The following CNOT1 variants were observed in gnomAD, a reference collection of about 807,000 sequenced individuals.
CNOT1 encodes the protein CCR4-associated factor 1.
Under a neutral mutation model 273.8 loss-of-function variants are expected in CNOT1, and 15 were observed. The observed-to-expected ratio is 0.05, with a 90% CI of 0.04 to 0.08. CNOT1 has a LOEUF of 0.08. Ranked by LOEUF, CNOT1 falls within the 10% of genes least tolerant of loss-of-function variation. CNOT1 has a pLI of 1.00. For missense variants in CNOT1, 1,644 were observed against 2,912.2 expected (o/e 0.56, Z 10.02); for synonymous variants, 1,022 against 1,005.5 (o/e 1.02, Z -0.31).
At chr16:58,595,567 C>T (rs1183329293) in intron 2 of CNOT1, among the ~76,000 whole-genome samples, 1 of 152,082 alleles carries the variant, frequency 6.6e-6, no homozygotes, top group Non-Finnish European at 1.5e-5. Context: ...AATTCATAGT[C>T]CACAACCATT....
rs146036406 is a variant in CNOT1 at position 58,549,355 on chromosome 16, C to T, written c.3522+364G>A. On this transcript the variant is annotated intron_variant, in intron 25 of 48. Transcript: ENST00000317147. ...CATTATCATTATCATGAATAATATC[C>T]AGGGGAGAAAAAAAAGTAAGTGAAA... Among the ~76,000 whole-genome samples the T allele has an allele frequency of 2.3e-3, 335 of 143,750 alleles. 1 individual carries two copies. The highest frequency in any genetic ancestry group is 7.8e-3 in the African/African-American group (305 of 39,020). The allele number at this position is 143,750 out of a possible 152,430, so 94.3% of individuals were successfully genotyped here.
At chr16:58,608,569 A>T (rs2042771924) in intron 1 of CNOT1, among the ~76,000 whole-genome samples, 1 of 151,442 alleles carries the variant, frequency 6.6e-6, no homozygotes, top group South Asian at 2.1e-4. Flanking sequence ...AAAAAAAAAA[A>T]GAACTAAAAG....
intron 13 of CNOT1, among the ~76,000 whole-genome samples, chr16:58,577,479 T>C (rs1256366608): frequency 6.6e-6 from 1 of 152,222 alleles, no homozygotes; most frequent in Admixed American, 6.5e-5. Context: ...GCTAACATTT[T>C]TCACTTATAA....
At position 58,620,537 on chromosome 16, in the gene CNOT1, G is replaced by T. The variant is rs994174968; in HGVS notation, c.-175+9191C>A. 2.0e-5 allele frequency among the ~76,000 whole-genome samples: 3 copies of T among 151,944 alleles called. No homozygotes were observed. In the East Asian group the frequency reaches 5.8e-4, roughly 29 times the overall value. ...AGGCACCTGTAATCCCAGCTACTCG[G>T]CGGGGATAAGGCAGGAGAATCGCTT... On this transcript the variant is annotated intron_variant, in intron 1 of 48. Coordinates refer to ENST00000317147, the MANE Select transcript of CNOT1 (RefSeq NM_016284.5).
In CNOT1 at chr16:58,555,244, C is replaced by G. The variant is rs2040595658; in HGVS notation, c.2891+7G>C. On this transcript the variant is annotated splice_region_variant and intron_variant, in intron 21 of 48. Transcript: ENST00000317147. ...AGAGATCCTTCACAGGAAACCTATC[C>G]ACTTACCTGTTTTTAAATCTATCTA... is the stretch of plus-strand genomic sequence containing the variant. 6.2e-7 allele frequency: 1 copy of G among 1,613,282 alleles called. No homozygotes were observed. Among genetic ancestry groups the G allele is most frequent in the South Asian group, 1.1e-5 (1 of 91,012 alleles).
At chr16:58,599,632 A>G (rs1168382564) in intron 1 of CNOT1, 121 bp from the exon 2 acceptor site, 2 of 459,076 alleles carry the variant, frequency 4.4e-6, no homozygotes, top group African/African-American at 1.9e-5. Flanking sequence ...ATTAATAATT[A>G]GAAGAGAATA....
chr16:58,595,582 G>A (rs1196006920), intron 2 of CNOT1, among the ~76,000 whole-genome samples: 1 of 152,100 alleles, frequency 6.6e-6, no homozygotes, highest in Non-Finnish European at 1.5e-5. Context: ...ACCATTCAGG[G>A]TTGTGTTTAC....
At chr16:58,558,927 T>C (rs1245672251) in intron 17 of CNOT1, among the ~76,000 whole-genome samples, 6 of 152,228 alleles carry the variant, frequency 3.9e-5, no homozygotes, top group Admixed American at 1.3e-4. Flanking sequence ...TTGAAAATAC[T>C]TGGAACCAGA....
In CNOT1 at chr16:58,614,219, GAA is replaced by G. The variant is rs557629719; in HGVS notation, c.-174-14710_-174-14709del. On this transcript the variant is annotated intron_variant, in intron 1 of 48. Coordinates refer to ENST00000317147, the MANE Select transcript of CNOT1 (RefSeq NM_016284.5). Reference sequence around the variant, plus strand: ...GAAGCCATTCACCTCACTCACTGTAGAAGAGAGGTAACATAGATGGCCCGAGC... The same window carrying G: ...GAAGCCATTCACCTCACTCACTGTAGGAGAGGTAACATAGATGGCCCGAGC... Among the ~76,000 whole-genome samples, 7 of 124,096 alleles carry G rather than the reference GAA, an allele frequency of 5.6e-5. No homozygotes were observed. The East Asian group carries it at 1.4e-3, about 24-fold the overall frequency. 81.4% of individuals were successfully genotyped at this position (124,096 alleles called of 152,430 possible).
In CNOT1 at chr16:58,553,817, T is replaced by C. The variant is rs915472142; in HGVS notation, c.2935A>G (p.Ser979Gly). 6.2e-6 allele frequency: 10 copies of C among 1,611,716 alleles called. No homozygotes were observed. In the African/African-American group the frequency reaches 1.2e-4, roughly 19 times the overall value. Reference sequence around the variant, plus strand: ...TGATGTGGAAATTGCATAAAGTGACTGATAGAAGCCAAATGCTGACAATAC... The same window carrying C: ...TGATGTGGAAATTGCATAAAGTGACCGATAGAAGCCAAATGCTGACAATAC... ...PQYCQHLASISHFMQFPHHLQ... is the reference protein window; with the variant it reads ...PQYCQHLASIGHFMQFPHHLQ... Residue 979 changes from serine to glycine, a missense_variant, in exon 22 of 49, where the codon AGT (serine) becomes GGT (glycine). Coordinates refer to ENST00000317147, the MANE Select transcript of CNOT1 (RefSeq NM_016284.5).
chr16:58,545,576 T>C (rs552722877), intron 29 of CNOT1, 85 bp from the exon 30 acceptor site: 2 of 1,565,716 alleles, frequency 1.3e-6, no homozygotes, highest in African/African-American at 2.8e-5. Context: ...TAAGTGGTCA[T>C]TATCTAATTA....
intron 47 of CNOT1, chr16:58,522,875 A>AG (rs1420370282): frequency 1.3e-5 from 2 of 152,298 alleles, no homozygotes; most frequent in African/African-American, 4.8e-5. Flanking sequence ...CATCAGAATG[A>AG]GTATTAAGAG....
chr16:58,539,446 CAG>C (rs79096112), intron 35 of CNOT1, among the ~76,000 whole-genome samples: 6,245 of 146,978 alleles, frequency 0.042, 419 homozygotes, highest in East Asian at 0.26. Flanking sequence ...TCAAGCCTGA[CAG>C]AGAGAGACCC....
chr16:58,579,297 G>A (rs1400996953), intron 12 of CNOT1, among the ~76,000 whole-genome samples: 1 of 152,100 alleles, frequency 6.6e-6, no homozygotes, highest in Non-Finnish European at 1.5e-5. Flanking sequence ...TTAAAAGACA[G>A]AACAAAGACA....
rs368433360 is a variant in CNOT1, at chr16:58,537,230, T to C, written c.5415-10A>G. The C allele has an allele frequency of 1.8e-5, 28 of 1,571,628 alleles. No homozygotes were observed. The African/African-American group carries it at 3.3e-4, about 18-fold the overall frequency. Reference sequence around the variant, plus strand: ...CATCAGCTGGGGCAATCTAGCACAATAAATAAAGGGTGAAAATCAGTCTCC... The same window carrying C: ...CATCAGCTGGGGCAATCTAGCACAACAAATAAAGGGTGAAAATCAGTCTCC... On this transcript the variant is annotated splice_polypyrimidine_tract_variant and intron_variant, in intron 38 of 48. Coordinates refer to ENST00000317147, the MANE Select transcript of CNOT1 (RefSeq NM_016284.5).
chr16:58,551,224 G>T lies in CNOT1; in HGVS notation c.3250C>A (p.Gln1084Lys). 6.2e-7 allele frequency: 1 copy of T among 1,606,216 alleles called. No individual in the cohort carries two copies. Among genetic ancestry groups the T allele is most frequent in the Non-Finnish European group, 8.5e-7 (1 of 1,178,166 alleles). ...NIDTLLVATD[Q>K]TERIVEPPEN... The stretch of plus-strand genomic sequence containing the variant: ...GGGGGCTCCACAATTCTCTCAGTTT[G>T]ATCTGTGGCCACAAGCAACGTATCT... The change falls in exon 24 of 49, where the codon CAA becomes AAA. Residue 1084 changes from glutamine (Q) to lysine (K), a missense_variant. Physicochemically the swap from Gln to Lys is moderately conservative, Grantham distance 53 (BLOSUM62 1). Around this residue, in one of 13 missense-constraint regions of CNOT1, gnomAD observed 124 missense variants for 289.3 expected, o/e 0.43. Coordinates refer to ENST00000317147, the MANE Select transcript of CNOT1 (RefSeq NM_016284.5).
intron 1 of CNOT1, among the ~76,000 whole-genome samples, chr16:58,606,081 C>A (rs1185230792): frequency 4.0e-5 from 6 of 151,716 alleles, no homozygotes; most frequent in Non-Finnish European, 8.8e-5. Context: ...ACAATGATAT[C>A]AAAAAATTTA....
chr16:58,595,348 G>A (rs1195192698), intron 2 of CNOT1, among the ~76,000 whole-genome samples: 1 of 142,518 alleles, frequency 7.0e-6, no homozygotes, highest in African/African-American at 2.6e-5. Flanking sequence ...CTTTGGAGAT[G>A]ACCAGGTTTT....
At position 58,537,932 on chromosome 16, in the gene CNOT1, G is replaced by A; in HGVS notation, c.5373C>T (p.Leu1791=). The change falls in exon 38 of 49, where the codon CTC becomes CTT. Residue 1791 remains leucine (L), a synonymous_variant. Transcript: ENST00000317147. The part of the protein sequence containing the change: ...EADLFHTIET[L]MRINAHSRGN... ...CTCTGGAATGAGCATTAATCCTCAT[G>A]AGGGTTTCAATGGTGTGGAACAGAT... The A allele has an allele frequency of 1.9e-6, 3 of 1,614,180 alleles. No individual in the cohort carries two copies. Among genetic ancestry groups the A allele is most frequent in the Admixed American group, 3.3e-5 (2 of 60,018 alleles).
Sources: gnomAD v4.1 joint callset for allele counts (sites outside exome capture counted in the v4.1 genomes callset) on GRCh38, gnomAD v4.1.1 for gene constraint, gnomAD v4.1.1 regional missense constraint, MANE v1.5 for transcripts, NCBI Gene and HGNC (gene_info 2026-07-23, HGNC 2026-07-21) for gene names.